CHMP2B: variants seen among roughly 807,000 people sequenced by gnomAD.
The protein encoded by CHMP2B is charged multivesicular body protein 2B.
A neutral mutation model predicts 29.8 loss-of-function variants in CHMP2B; 22 were observed. That is an observed-to-expected ratio of 0.74 (90% CI 0.53 to 1.05). CHMP2B has a LOEUF of 1.05. Ranked by LOEUF, CHMP2B falls within the 50% of genes least tolerant of loss-of-function variation. The pLI, the probability that CHMP2B is intolerant of heterozygous loss-of-function variation, is 0.00. For missense variants in CHMP2B, 261 were observed against 252.2 expected (o/e 1.03, Z -0.24); for synonymous variants, 78 against 75.8 (o/e 1.03, Z -0.15).
At chr3:87,234,036 GC>G (rs3840194) in intron 1 of CHMP2B, among the ~76,000 whole-genome samples, 13,921 of 152,084 alleles carry the variant, frequency 0.092, 704 homozygotes, top group East Asian at 0.2. Flanking sequence ...GAACTGCCTT[GC>G]AAACTTGAGA....
intron 4 of CHMP2B, among the ~76,000 whole-genome samples, chr3:87,252,046 T>C (rs1450649928): frequency 6.6e-6 from 1 of 151,908 alleles, no homozygotes; most frequent in East Asian, 1.9e-4. Context: ...AATCCCCAAA[T>C]TTTAAATAAA....
intron 4 of CHMP2B, 72 bp from the exon 5 acceptor site, chr3:87,253,332 C>T: frequency 2.3e-6 from 2 of 886,554 alleles, no homozygotes; most frequent in Admixed American, 1.7e-5. Context: ...TTGGGCTAGA[C>T]TGTAAATATG....
At chr3:87,231,261 A>C (rs1260207412) in intron 1 of CHMP2B, among the ~76,000 whole-genome samples, 1 of 152,154 alleles carries the variant, frequency 6.6e-6, no homozygotes, top group Non-Finnish European at 1.5e-5. Context: ...AACAGAACTC[A>C]TCATCATATC....
In CHMP2B at chr3:87,254,771, CTG is replaced by C. The variant is rs539957544; in HGVS notation, c.*951_*952del. 451 of 151,870 alleles carry C rather than the reference CTG, an allele frequency of 3.0e-3. 3 individuals are homozygous for C. Among genetic ancestry groups the C allele is most frequent in the African/African-American group, 0.01 (432 of 41,480 alleles). The allele number at this position is 151,870 out of a possible 1,614,324, so 9.4% of individuals were successfully genotyped here. ...ATAATTATATGAATTATAATTTAAA[CTG>C]TTTAATTTTGTTTAATGTGTATATT... On this transcript the variant is annotated 3_prime_UTR_variant, in exon 6 of 6. Transcript: ENST00000263780.
intron 1 of CHMP2B, among the ~76,000 whole-genome samples, chr3:87,239,216 A>G (rs900720864): frequency 3.9e-5 from 6 of 152,036 alleles, no homozygotes; most frequent in African/African-American, 9.7e-5. Flanking sequence ...CTCTTATTCT[A>G]TAGGTTGTCT....
At chr3:87,240,061 G>A (rs1030660682) in intron 1 of CHMP2B, among the ~76,000 whole-genome samples, 2 of 150,850 alleles carry the variant, frequency 1.3e-5, no homozygotes, top group African/African-American at 4.9e-5. Context: ...TGAAAAGGGT[G>A]TGTGTGTGTG....
At chr3:87,236,954 C>A (rs1208191129) in intron 1 of CHMP2B, among the ~76,000 whole-genome samples, 1 of 152,092 alleles carries the variant, frequency 6.6e-6, no homozygotes, top group African/African-American at 2.4e-5. Flanking sequence ...GGGTTGTACT[C>A]CAGAAGTTCA....
intron 2 of CHMP2B, among the ~76,000 whole-genome samples, chr3:87,242,639 CAGTAT>C (rs1706138865): frequency 6.6e-6 from 1 of 152,090 alleles, no homozygotes; most frequent in African/African-American, 2.4e-5. Flanking sequence ...AATTAAGTTT[CAGTAT>C]GGTGTCAGGT....
At chr3:87,242,999 A>T (rs983185765) in intron 2 of CHMP2B, among the ~76,000 whole-genome samples, 2 of 152,198 alleles carry the variant, frequency 1.3e-5, no homozygotes, top group African/African-American at 2.4e-5. Context: ...GATTACATTG[A>T]ATAGTTACAT....
intron 1 of CHMP2B, 153 bp from the exon 2 acceptor site, chr3:87,240,546 G>A (rs775661437): frequency 8.4e-6 from 5 of 598,656 alleles, no homozygotes; most frequent in African/African-American, 1.9e-5. Context: ...CTGACCTCAG[G>A]TGATCCACCC....
chr3:87,228,255 A>G (rs763166589), intron 1 of CHMP2B, among the ~76,000 whole-genome samples: 1 of 152,212 alleles, frequency 6.6e-6, no homozygotes, highest in Non-Finnish European at 1.5e-5. Context: ...GCTTAATATC[A>G]TCTTAAGCGG....
intron 1 of CHMP2B, 142 bp downstream of exon 1, chr3:87,227,698 A>G: frequency 9.5e-7 from 1 of 1,055,548 alleles, no homozygotes; most frequent in South Asian, 1.3e-5. Context: ...TCGCGGCACC[A>G]CTTCTCTGCC....
rs1357404332 is a variant in CHMP2B, at chr3:87,227,418, C to G, written c.-105C>G. The G allele has an allele frequency of 1.5e-6, 2 of 1,376,340 alleles. No homozygotes were observed. The highest frequency in any genetic ancestry group is 3.4e-5 in the Admixed American group (2 of 58,776). The allele number at this position is 1,376,340 out of a possible 1,614,324, so 85.3% of individuals were successfully genotyped here. A position where few individuals can be genotyped will look rare whatever the true frequency, so the allele number is the denominator to read the frequency against. On this transcript the variant is annotated 5_prime_UTR_variant, in exon 1 of 6. Coordinates refer to ENST00000263780, the MANE Select transcript of CHMP2B (RefSeq NM_014043.4). ...CCGACCTCCTCCTGCTGTCTCTCCG[C>G]TCCGCCACCCCGAACCCGCCAAGGT...
chr3:87,232,846 A>G (rs1180449469), intron 1 of CHMP2B, among the ~76,000 whole-genome samples: 2 of 152,190 alleles, frequency 1.3e-5, no homozygotes, highest in African/African-American at 2.4e-5. Context: ...GGACCAAACA[A>G]GACTCAAAAG....
At chr3:87,247,457 A>G (rs1382346296) in intron 3 of CHMP2B, among the ~76,000 whole-genome samples, 1 of 152,184 alleles carries the variant, frequency 6.6e-6, no homozygotes, top group African/African-American at 2.4e-5. Context: ...TCACAAACAA[A>G]AAGCACAAAA....
At chr3:87,242,643 A>G (rs955162098) in intron 2 of CHMP2B, among the ~76,000 whole-genome samples, 5 of 152,126 alleles carry the variant, frequency 3.3e-5, no homozygotes, top group African/African-American at 7.2e-5. Flanking sequence ...AAGTTTCAGT[A>G]TGGTGTCAGG....
chr3:87,247,789 C>G (rs577037599), intron 3 of CHMP2B, among the ~76,000 whole-genome samples: 1 of 152,174 alleles, frequency 6.6e-6, no homozygotes, highest in Non-Finnish European at 1.5e-5. Flanking sequence ...TAAATTCAAT[C>G]TTTGATCGCA....
intron 4 of CHMP2B, among the ~76,000 whole-genome samples, chr3:87,251,556 T>C (rs991049837): frequency 1.3e-5 from 2 of 151,980 alleles, no homozygotes; most frequent in Non-Finnish European, 2.9e-5. Context: ...AGTTAGTCTG[T>C]AGTATAATAG....
At chr3:87,228,939 G>A (rs896467005) in intron 1 of CHMP2B, among the ~76,000 whole-genome samples, 1 of 151,552 alleles carries the variant, frequency 6.6e-6, no homozygotes, top group Non-Finnish European at 1.5e-5. Context: ...GGGAGTGGGG[G>A]TGGGGGAACG....
Sources: allele counts gnomAD v4.1 joint callset (sites outside exome capture counted in the v4.1 genomes callset), GRCh38; gene constraint gnomAD v4.1.1; transcripts MANE v1.5; gene names NCBI Gene and HGNC (gene_info 2026-07-23, HGNC 2026-07-21).